The following SCAF8 variants were observed in gnomAD, a reference collection of about 807,000 sequenced individuals.
SCAF8 encodes SR-related and CTD-associated factor 8.
In SCAF8, 23 loss-of-function variants were observed where a neutral mutation model predicts 140.5. That is an observed-to-expected ratio of 0.16 (90% CI 0.12 to 0.23). The LOEUF (loss-of-function observed/expected upper bound fraction) is 0.23, where lower values mean the gene tolerates loss of function less well. Among genes scored for constraint, SCAF8 ranks in the 10% least tolerant of loss-of-function variants. The pLI is 1.00. For synonymous variants in SCAF8, 575 were observed against 528.9 expected (o/e 1.09, Z -1.20); for missense variants, 1,397 against 1,555.7 (o/e 0.90, Z 1.72).
chr6:154,747,436 G>A (rs1004465210), intron 1 of SCAF8, among the ~76,000 whole-genome samples: 1 of 152,094 alleles, frequency 6.6e-6, no homozygotes, highest in Non-Finnish European at 1.5e-5. Flanking sequence ...GCTTAATCCA[G>A]GGAGGTGGAG....
intron 11 of SCAF8, 51 bp downstream of exon 11, chr6:154,808,849 C>T (rs368891087): frequency 3.3e-6 from 4 of 1,200,264 alleles, no homozygotes; most frequent in Non-Finnish European, 4.9e-6. Context: ...AAAATGTTGG[C>T]TTTATTTCTT....
intron 1 of SCAF8, among the ~76,000 whole-genome samples, chr6:154,739,060 A>C (rs902711336): frequency 6.6e-6 from 1 of 152,162 alleles, no homozygotes; most frequent in Admixed American, 6.5e-5. Flanking sequence ...ATCATAGCTT[A>C]CTGTAACCTC....
chr6:154,825,943 A>G (rs1287783854), intron 17 of SCAF8, among the ~76,000 whole-genome samples: 1 of 152,070 alleles, frequency 6.6e-6, no homozygotes, highest in Non-Finnish European at 1.5e-5. Flanking sequence ...GGTCAAAACA[A>G]TATATATATA....
intron 12 of SCAF8, among the ~76,000 whole-genome samples, chr6:154,811,754 G>A (rs1210292509): frequency 7.4e-6 from 1 of 135,682 alleles, no homozygotes; most frequent in Non-Finnish European, 1.5e-5. Flanking sequence ...TGTTCTCATT[G>A]TTCAATTCTC....
chr6:154,819,373 G>C (rs1270569172), intron 14 of SCAF8, among the ~76,000 whole-genome samples: 1 of 152,138 alleles, frequency 6.6e-6, no homozygotes, highest in Non-Finnish European at 1.5e-5. Context: ...GATCACTTAA[G>C]CCCAGGAGTG....
chr6:154,808,896 C>A, intron 11 of SCAF8, 98 bp downstream of exon 11: 1 of 788,180 alleles, frequency 1.3e-6, no homozygotes, highest in Non-Finnish European at 2.0e-6. Context: ...CTTGGGATGA[C>A]ATATTTTTTC....
rs1243752778 is a variant in SCAF8, at chr6:154,772,781, G to A, written c.31-1208G>A. ...TTTTTTGTTTTTTCTTTTTGAGACAGAGTCTCCCTCTGGAGTCTCCCAGGC... is the reference window on the plus strand; with the variant it reads ...TTTTTTGTTTTTTCTTTTTGAGACAAAGTCTCCCTCTGGAGTCTCCCAGGC... On this transcript the variant is annotated intron_variant, in intron 1 of 19. Transcript: ENST00000367178. 3.3e-5 allele frequency among the ~76,000 whole-genome samples: 5 copies of A among 152,142 alleles called. No homozygotes were observed. The East Asian group carries it at 9.7e-4, about 29-fold the overall frequency.
At chr6:154,802,975 TTA>T (rs1777812210) in intron 7 of SCAF8, among the ~76,000 whole-genome samples, 2 of 152,314 alleles carry the variant, frequency 1.3e-5, no homozygotes, top group South Asian at 4.1e-4. Flanking sequence ...CTTAGTATGC[TTA>T]TTAATTATGG....
chr6:154,786,104 T>G (rs1777249336), intron 3 of SCAF8, among the ~76,000 whole-genome samples: 1 of 152,202 alleles, frequency 6.6e-6, no homozygotes, highest in Admixed American at 6.5e-5. Flanking sequence ...TGCAGGAGAC[T>G]GGAGTTTTAT....
intron 6 of SCAF8, among the ~76,000 whole-genome samples, chr6:154,798,993 T>C (rs1777688308): frequency 6.6e-6 from 1 of 150,846 alleles, no homozygotes; most frequent in Non-Finnish European, 1.5e-5. Flanking sequence ...ATTTTATTAT[T>C]ATTTTTTGAC....
At chr6:154,785,110 A>G (rs1388841901) in intron 3 of SCAF8, among the ~76,000 whole-genome samples, 1 of 152,182 alleles carries the variant, frequency 6.6e-6, no homozygotes, top group Non-Finnish European at 1.5e-5. Context: ...TATGGTATGT[A>G]TTCTTTTTAT....
intron 1 of SCAF8, among the ~76,000 whole-genome samples, chr6:154,748,918 A>T (rs752451809): frequency 2.0e-5 from 3 of 152,232 alleles, no homozygotes; most frequent in African/African-American, 4.8e-5. Context: ...AATTCCAAAT[A>T]ATCCTATGGG....
intron 17 of SCAF8, among the ~76,000 whole-genome samples, chr6:154,826,125 C>G (rs952751209): frequency 1.1e-4 from 17 of 151,888 alleles, no homozygotes; most frequent in African/African-American, 3.9e-4. Flanking sequence ...TGTAAGTGTT[C>G]TAAATTACAG....
chr6:154,825,032 C>T (rs1778525535), intron 17 of SCAF8: 1 of 151,916 alleles, frequency 6.6e-6, no homozygotes, highest in South Asian at 2.1e-4. Context: ...TGAAAGTTCT[C>T]TAATAATTAT....
In SCAF8 at chr6:154,787,740, A is replaced by G. The variant is rs1292038420; in HGVS notation, c.160-121A>G. On this transcript the variant is annotated intron_variant, in intron 3 of 19. Transcript: ENST00000367178. ...TGATATTGGAGTAGTCAATGTATGA[A>G]TATTCATTACCATAGCATAGGCAAT... 1.6e-5 allele frequency: 12 copies of G among 737,804 alleles called. No individual in the cohort carries two copies. The East Asian group carries it at 2.1e-4, about 13-fold the overall frequency. The allele number at this position is 737,804 out of a possible 1,614,324, so 45.7% of individuals were successfully genotyped here. A position where few individuals can be genotyped will look rare whatever the true frequency, so the allele number is the denominator to read the frequency against.
chr6:154,825,193 C>T (rs1037864603), intron 17 of SCAF8: 1 of 152,072 alleles, frequency 6.6e-6, no homozygotes, highest in African/African-American at 2.4e-5. Flanking sequence ...TGGAACACTT[C>T]ACAAATTTGT....
chr6:154,779,567 G>C (rs1460191533), intron 3 of SCAF8, among the ~76,000 whole-genome samples: 1 of 152,196 alleles, frequency 6.6e-6, no homozygotes, highest in Non-Finnish European at 1.5e-5. Context: ...GATTTGATTT[G>C]TGGTAGGGTA....
chr6:154,769,280 C>T (rs778716420), intron 1 of SCAF8, among the ~76,000 whole-genome samples: 3 of 152,042 alleles, frequency 2.0e-5, no homozygotes, highest in Non-Finnish European at 4.4e-5. Context: ...CTTTAGAAGT[C>T]TAAATTATAT....
intron 1 of SCAF8, among the ~76,000 whole-genome samples, chr6:154,760,101 G>A (rs969289066): frequency 1.3e-5 from 2 of 152,106 alleles, no homozygotes; most frequent in Non-Finnish European, 1.5e-5. Context: ...GACCAGCCTG[G>A]CCAACGTGGT....
Sources: gnomAD v4.1 joint callset for allele counts (sites outside exome capture counted in the v4.1 genomes callset) on GRCh38, gnomAD v4.1.1 for gene constraint, MANE v1.5 for transcripts, NCBI Gene and HGNC (gene_info 2026-07-23, HGNC 2026-07-21) for gene names.